Variants in CNTN5 observed in about 807,000 individuals in gnomAD.
CNTN5 encodes the protein contactin-5.
A neutral mutation model predicts 129.1 loss-of-function variants in CNTN5; 77 were observed. That is an observed-to-expected ratio of 0.60 (90% CI 0.50 to 0.72). The LOEUF is 0.72. CNTN5 is among the 30% of genes least tolerant of loss of function. The pLI is 0.00. For missense variants in CNTN5, 1,478 were observed against 1,328.8 expected, an observed-to-expected ratio of 1.11 and a Z score of -1.75; for synonymous variants, 509 against 465.6, an observed-to-expected ratio of 1.09 and a Z score of -1.20.
chr11:99,046,532 T>C (rs1864215505), intron 1 of CNTN5, among the ~76,000 whole-genome samples: 1 of 152,206 alleles, frequency 6.6e-6, no homozygotes, highest in South Asian at 2.1e-4. Flanking sequence ...TCCTTTATGA[T>C]ACATTGTTTA....
At chr11:99,687,273 T>C (rs1327751807) in intron 3 of CNTN5, among the ~76,000 whole-genome samples, 2 of 152,140 alleles carry the variant, frequency 1.3e-5, no homozygotes, top group African/African-American at 4.8e-5. Context: ...ACAGAGACGC[T>C]TAATATTATA....
chr11:99,846,914 G>C (rs571149674), intron 6 of CNTN5, among the ~76,000 whole-genome samples: 185 of 152,226 alleles, frequency 1.2e-3, no homozygotes, highest in Non-Finnish European at 2.1e-3. Context: ...AGCCTAAATA[G>C]ATTCTTTTTT....
chr11:99,676,941 G>A (rs2134686641), intron 3 of CNTN5, among the ~76,000 whole-genome samples: 1 of 152,192 alleles, frequency 6.6e-6, no homozygotes, highest in African/African-American at 2.4e-5. Flanking sequence ...CAAGGGTGTT[G>A]CTAGGTTATT....
intron 2 of CNTN5, among the ~76,000 whole-genome samples, chr11:99,460,328 T>C (rs1195984422): frequency 6.6e-6 from 1 of 151,642 alleles, no homozygotes; most frequent in Non-Finnish European, 1.5e-5. Context: ...GAAATAATTT[T>C]CCAGTAAAAT....
chr11:99,297,851 A>G (rs2135937258), intron 1 of CNTN5, among the ~76,000 whole-genome samples: 1 of 152,252 alleles, frequency 6.6e-6, no homozygotes, highest in East Asian at 1.9e-4. Flanking sequence ...AGCGCTTACT[A>G]CCAGTTTCTT....
At chr11:100,240,679 G>GA in intron 16 of CNTN5, among the ~76,000 whole-genome samples, 1 of 152,220 alleles carries the variant, frequency 6.6e-6, no homozygotes, top group African/African-American at 2.4e-5. Flanking sequence ...TTGGTTTCCA[G>GA]AAAAATCATG....
intron 3 of CNTN5, among the ~76,000 whole-genome samples, chr11:99,712,831 G>A (rs962416717): frequency 1.3e-5 from 2 of 151,846 alleles, no homozygotes; most frequent in Admixed American, 6.6e-5. Flanking sequence ...CTGCTCCATC[G>A]GTCTATATAT....
intron 22 of CNTN5, 63 bp from the exon 23 acceptor site, chr11:100,341,030 G>C (rs1248549061): frequency 2.2e-5 from 27 of 1,202,402 alleles, no homozygotes; most frequent in Non-Finnish European, 3.0e-5. Context: ...TACTCACAAA[G>C]AATTAAATGA....
chr11:99,134,099 G>A (rs10750200), intron 1 of CNTN5, among the ~76,000 whole-genome samples: 136,866 of 152,058 alleles, frequency 0.9, 61,804 homozygotes, highest in East Asian at 0.99. Flanking sequence ...CATATCTTTT[G>A]CAGGGACATG....
intron 1 of CNTN5, among the ~76,000 whole-genome samples, chr11:99,237,946 A>G (rs1341933619): frequency 6.6e-6 from 1 of 152,110 alleles, no homozygotes; most frequent in African/African-American, 2.4e-5. Flanking sequence ...TACTTTTTGT[A>G]TTGTTCCTGG....
At chr11:99,993,361 G>T (rs1175255493) in intron 8 of CNTN5, among the ~76,000 whole-genome samples, 1 of 152,064 alleles carries the variant, frequency 6.6e-6, no homozygotes, top group African/African-American at 2.4e-5. Flanking sequence ...TGACCTCTTT[G>T]ACTCTCAGTT....
chr11:99,585,172 G>C (rs1027987332), intron 3 of CNTN5, among the ~76,000 whole-genome samples: 2 of 152,202 alleles, frequency 1.3e-5, no homozygotes, highest in African/African-American at 4.8e-5. Flanking sequence ...TAATTTTACA[G>C]TATGAAAAGT....
At chr11:100,159,719 A>T (rs1205362162) in intron 13 of CNTN5, among the ~76,000 whole-genome samples, 1 of 151,954 alleles carries the variant, frequency 6.6e-6, no homozygotes, top group Non-Finnish European at 1.5e-5. Flanking sequence ...CTCCTTCTAA[A>T]GATAACAAGG....
intron 2 of CNTN5, among the ~76,000 whole-genome samples, chr11:99,410,257 C>T (rs898926371): frequency 3.9e-5 from 6 of 152,166 alleles, no homozygotes; most frequent in Admixed American, 1.3e-4. Context: ...ACAAGCTATG[C>T]AGCCTTGTTT....
intron 2 of CNTN5, among the ~76,000 whole-genome samples, chr11:99,431,978 G>A (rs750031022): frequency 6.6e-6 from 1 of 152,094 alleles, no homozygotes; most frequent in African/African-American, 2.4e-5. Context: ...GTTTCAAGAC[G>A]AAAGGAGCAG....
At chr11:99,175,873 T>C (rs1857745978) in intron 1 of CNTN5, among the ~76,000 whole-genome samples, 1 of 152,026 alleles carries the variant, frequency 6.6e-6, no homozygotes, top group Non-Finnish European at 1.5e-5. Context: ...ATAAACATGA[T>C]GGGTATATTA....
At chr11:99,580,563 G>T (rs765909640) in intron 3 of CNTN5, among the ~76,000 whole-genome samples, 19 of 152,140 alleles carry the variant, frequency 1.2e-4, no homozygotes, top group Non-Finnish European at 2.5e-4. Context: ...TCTTGGGAGG[G>T]TGTATGTGCC....
chr11:99,712,821 C>G (rs1216049855), intron 3 of CNTN5, among the ~76,000 whole-genome samples: 1 of 151,766 alleles, frequency 6.6e-6, no homozygotes. Flanking sequence ...GGTCTCTGTT[C>G]TGCTCCATCG....
intron 1 of CNTN5, among the ~76,000 whole-genome samples, chr11:99,028,265 A>C (rs989971279): frequency 3.3e-5 from 5 of 151,872 alleles, no homozygotes; most frequent in African/African-American, 1.2e-4. Context: ...TGCCACAGTG[A>C]GTAATTTAAT....
Sources: allele counts gnomAD v4.1 joint callset (sites outside exome capture counted in the v4.1 genomes callset), GRCh38; gene constraint gnomAD v4.1.1; transcripts MANE v1.5; gene names NCBI Gene and HGNC (gene_info 2026-07-23, HGNC 2026-07-21).